Variants in RNLS observed in about 807,000 individuals in gnomAD.
RNLS encodes renalase.
A neutral mutation model predicts 39.8 loss-of-function variants in RNLS; 39 were observed. The ratio of observed to expected loss-of-function variants is 0.98; its 90% CI spans 0.76 to 1.28. RNLS has a LOEUF of 1.28. Ranked by LOEUF, RNLS falls within the 50% of genes most tolerant of loss-of-function variation. The pLI, the probability that RNLS is intolerant of heterozygous loss-of-function variation, is 0.00. For missense variants in RNLS, 410 were observed against 413.3 expected, an observed-to-expected ratio of 0.99 and a Z score of 0.07; for synonymous variants, 147 against 150.7, an observed-to-expected ratio of 0.98 and a Z score of 0.18.
At chr10:88,213,553 C>G in the RNLS span, among the ~76,000 whole-genome samples, 1 of 152,050 alleles carries the variant, frequency 6.6e-6, no homozygotes, top group Non-Finnish European at 1.5e-5. Context: ...TCTCCTCAGC[C>G]AGTTTCCCAA....
At chr10:88,473,630 A>AT (rs2133987486) in intron 4 of RNLS, among the ~76,000 whole-genome samples, 1 of 152,320 alleles carries the variant, frequency 6.6e-6, no homozygotes, top group Admixed American at 6.5e-5. Flanking sequence ...TATACCATGC[A>AT]TTTATTTTAG....
chr10:88,274,800 T>C (rs1012381008), exon 7 of RNLS: 1 of 500,718 alleles, frequency 2.0e-6, no homozygotes, highest in Non-Finnish European at 3.6e-6. Context: ...CATTTTACAT[T>C]CCCACCGGCA....
chr10:88,212,165 C>T, the RNLS span, among the ~76,000 whole-genome samples: 2 of 152,194 alleles, frequency 1.3e-5, no homozygotes, highest in African/African-American at 4.8e-5. Context: ...GGTTGCAAGA[C>T]ATTTTTTGTT....
At chr10:88,306,273 G>T (rs1203345236) in intron 6 of RNLS, among the ~76,000 whole-genome samples, 1 of 151,944 alleles carries the variant, frequency 6.6e-6, no homozygotes, top group Non-Finnish European at 1.5e-5. Context: ...AATAATTACA[G>T]AACCAAGAGC....
intron 4 of RNLS, among the ~76,000 whole-genome samples, chr10:88,422,287 C>A (rs1238132898): frequency 1.3e-5 from 2 of 152,112 alleles, no homozygotes; most frequent in Non-Finnish European, 2.9e-5. Flanking sequence ...GCTTTAAAAA[C>A]CATTTTATAT....
In RNLS at chr10:88,572,990, G is replaced by T. The variant is rs1849939384; in HGVS notation, c.439C>A (p.Gln147Lys). Residue 147 changes from glutamine (Q) to lysine (K), a missense_variant, in exon 4 of 7, where the codon CAA (glutamine) becomes AAA (lysine). By Grantham distance (53) the Gln-to-Lys change is moderately conservative (BLOSUM62 1). Coordinates refer to ENST00000331772, the MANE Select transcript of RNLS (RefSeq NM_001031709.3). The part of the protein sequence containing the change: ...LRDDKWEVSK[Q>K]TGSPEQFDLI... ...TCAAACTGCTCAGGGGAGCCTGTTT[G>T]TTTGGATACTTCCCATTTGTCATCT... 2 of 1,614,076 alleles carry T rather than the reference G, an allele frequency of 1.2e-6. No homozygotes were observed. The highest frequency in any genetic ancestry group is 3.3e-5 in the Admixed American group (2 of 60,018).
At chr10:88,204,794 CCTTCCCTTT>C in the RNLS span, among the ~76,000 whole-genome samples, 8 of 152,096 alleles carry the variant, frequency 5.3e-5, no homozygotes, top group Non-Finnish European at 1.0e-4. Flanking sequence ...CTTATTTTTC[CCTTCCCTTT>C]CTTCTTTCTT....
chr10:88,427,758 A>G (rs1854879020), intron 4 of RNLS, among the ~76,000 whole-genome samples: 1 of 152,038 alleles, frequency 6.6e-6, no homozygotes, highest in Admixed American at 6.6e-5. Flanking sequence ...AATGATGTTG[A>G]TTGGATATCT....
At chr10:88,246,553 T>G in the RNLS span, among the ~76,000 whole-genome samples, 1 of 151,894 alleles carries the variant, frequency 6.6e-6, no homozygotes, top group Non-Finnish European at 1.5e-5. Context: ...TTTTGTTGTT[T>G]TTTTTTTAAT....
At chr10:88,497,883 G>A (rs1047172341) in intron 4 of RNLS, among the ~76,000 whole-genome samples, 7 of 149,380 alleles carry the variant, frequency 4.7e-5, no homozygotes, top group Non-Finnish European at 7.4e-5. Context: ...TAATTTTGGG[G>A]AAAAAAAAAC....
At chr10:88,232,493 C>T in the RNLS span, among the ~76,000 whole-genome samples, 2 of 152,174 alleles carry the variant, frequency 1.3e-5, no homozygotes, top group African/African-American at 4.8e-5. Context: ...GCTTCCCAGG[C>T]TGAACTCCAA....
the RNLS span, among the ~76,000 whole-genome samples, chr10:88,238,919 C>G: frequency 1.3e-5 from 2 of 152,130 alleles, no homozygotes; most frequent in East Asian, 3.9e-4. Context: ...GAAGCCAAGA[C>G]AGCCTCCCTA....
intron 4 of RNLS, among the ~76,000 whole-genome samples, chr10:88,486,002 T>C (rs1284100594): frequency 6.6e-6 from 1 of 152,056 alleles, no homozygotes; most frequent in Non-Finnish European, 1.5e-5. Context: ...AATTTTTATT[T>C]TTTAAAAGAT....
rs111826176 is a variant in RNLS, at chr10:88,330,586, A to T, written c.701-15945T>A. 2.3e-3 allele frequency among the ~76,000 whole-genome samples: 357 copies of T among 152,288 alleles called. 2 individuals carry two copies. Among genetic ancestry groups the T allele is most frequent in the Non-Finnish European group, 4.1e-3 (281 of 68,008 alleles). ...ACATTGCTCTGGTTGGTACAATAAG[A>T]TAAAAAATGGAAAAAAGATGTATAA... On this transcript the variant is annotated intron_variant, in intron 5 of 6. Transcript: ENST00000331772.
At chr10:88,290,936 C>T (rs1843628971) in intron 6 of RNLS, among the ~76,000 whole-genome samples, 1 of 152,194 alleles carries the variant, frequency 6.6e-6, no homozygotes, top group African/African-American at 2.4e-5. Flanking sequence ...CAGACAGCAA[C>T]TAGACCTCAT....
chr10:88,422,231 A>T (rs1440294123), intron 4 of RNLS, among the ~76,000 whole-genome samples: 1 of 152,218 alleles, frequency 6.6e-6, no homozygotes, highest in African/African-American at 2.4e-5. Flanking sequence ...ATTCCCTTAT[A>T]TCTTACCTTG....
intron 4 of RNLS, among the ~76,000 whole-genome samples, chr10:88,382,928 C>T (rs539677409): frequency 7.2e-5 from 11 of 152,068 alleles, no homozygotes; most frequent in African/African-American, 1.4e-4. Context: ...TTCCAATAGA[C>T]GGTGGTAAAA....
intron 4 of RNLS, among the ~76,000 whole-genome samples, chr10:88,544,154 A>G (rs544608351): frequency 6.6e-6 from 1 of 152,330 alleles, no homozygotes; most frequent in South Asian, 2.1e-4. Context: ...ATATATTTAA[A>G]ACACCTTGAA....
chr10:88,514,387 G>C (rs1435749906), intron 4 of RNLS, among the ~76,000 whole-genome samples: 1 of 151,874 alleles, frequency 6.6e-6, no homozygotes, highest in African/African-American at 2.4e-5. Flanking sequence ...GGGATTATGG[G>C]GATTACAATT....
Sources: gnomAD v4.1 joint callset for allele counts (sites outside exome capture counted in the v4.1 genomes callset) on GRCh38, gnomAD v4.1.1 for gene constraint, MANE v1.5 for transcripts, NCBI Gene and HGNC (gene_info 2026-07-23, HGNC 2026-07-21) for gene names.